Variants in NCK2 observed in about 807,000 individuals in gnomAD.
The protein encoded by NCK2 is NCK adaptor protein 2.
A neutral mutation model predicts 33.9 loss-of-function variants in NCK2; 16 were observed. The ratio of observed to expected loss-of-function variants is 0.47; its 90% CI spans 0.32 to 0.72. The LOEUF (loss-of-function observed/expected upper bound fraction) is 0.72. Among genes scored for constraint, NCK2 ranks in the 30% least tolerant of loss-of-function variants. NCK2 has a pLI of 0.03. For missense variants in NCK2, 418 were observed against 537.3 expected (o/e 0.78, Z 2.19); for synonymous variants, 273 against 239.9 (o/e 1.14, Z -1.27).
At chr2:105,880,702 G>A (rs1179306745) in intron 3 of NCK2, among the ~76,000 whole-genome samples, 2 of 152,168 alleles carry the variant, frequency 1.3e-5, no homozygotes, top group Admixed American at 1.3e-4. Context: ...TCTGAGAGGC[G>A]CAGGGATGCT....
At chr2:105,817,639 A>T (rs1675545132) in intron 2 of NCK2, among the ~76,000 whole-genome samples, 1 of 152,256 alleles carries the variant, frequency 6.6e-6, no homozygotes, top group Non-Finnish European at 1.5e-5. Context: ...GACACTGCTC[A>T]AAAGAAGACA....
intron 2 of NCK2, among the ~76,000 whole-genome samples, chr2:105,848,129 C>T (rs1456136541): frequency 1.3e-5 from 2 of 152,212 alleles, no homozygotes; most frequent in African/African-American, 2.4e-5. Context: ...ATTAGCAGAG[C>T]AATAATGGCT....
At chr2:105,777,396 A>G (rs1690345498) in intron 1 of NCK2, among the ~76,000 whole-genome samples, 1 of 152,168 alleles carries the variant, frequency 6.6e-6, no homozygotes, top group African/African-American at 2.4e-5. Context: ...AGGAGGCCAC[A>G]TCTTGCACAC....
intron 1 of NCK2, among the ~76,000 whole-genome samples, chr2:105,793,066 G>A (rs1309307891): frequency 1.3e-5 from 2 of 152,118 alleles, no homozygotes; most frequent in African/African-American, 4.8e-5. Flanking sequence ...GCATCAAGCA[G>A]TGCAGGCTTT....
chr2:105,834,704 C>T (rs1195815601), intron 2 of NCK2, among the ~76,000 whole-genome samples: 1 of 151,896 alleles, frequency 6.6e-6, no homozygotes, highest in African/African-American at 2.4e-5. Flanking sequence ...GTCTCGTTCT[C>T]TTACTGAAGC....
intron 2 of NCK2, among the ~76,000 whole-genome samples, chr2:105,842,670 C>T (rs1558865403): frequency 6.6e-6 from 1 of 152,076 alleles, no homozygotes. Context: ...TTTGTTGCCC[C>T]TAAGTCAAGG....
chr2:105,846,940 G>A (rs754500477), intron 2 of NCK2, among the ~76,000 whole-genome samples: 51 of 152,174 alleles, frequency 3.4e-4, no homozygotes, highest in African/African-American at 4.6e-4. Context: ...ATGGATGAAC[G>A]GACCAACAAA....
chr2:105,871,649 C>A (rs1043653311), intron 3 of NCK2, among the ~76,000 whole-genome samples: 13 of 152,100 alleles, frequency 8.5e-5, no homozygotes, highest in African/African-American at 2.9e-4. Flanking sequence ...TATGCCACCA[C>A]ACCCAGCTAA....
At chr2:105,830,480 A>C (rs1270820520) in intron 2 of NCK2, among the ~76,000 whole-genome samples, 1 of 152,076 alleles carries the variant, frequency 6.6e-6, no homozygotes, top group East Asian at 1.9e-4. Context: ...TTAATCTGTT[A>C]ATGGACACTT....
chr2:105,843,911 T>C (rs1188638151), intron 2 of NCK2, among the ~76,000 whole-genome samples: 2 of 152,106 alleles, frequency 1.3e-5, no homozygotes, highest in Admixed American at 6.5e-5. Flanking sequence ...AGGGGGCAAG[T>C]GTAACTTCAG....
intron 2 of NCK2, among the ~76,000 whole-genome samples, chr2:105,832,393 T>C (rs951986274): frequency 6.6e-6 from 1 of 152,232 alleles, no homozygotes; most frequent in Non-Finnish European, 1.5e-5. Flanking sequence ...GGCATTCTTA[T>C]ATTTTTCCAG....
chr2:105,744,698 G>C (rs1689198611), upstream of NCK2, among the ~76,000 whole-genome samples: 1 of 151,620 alleles, frequency 6.6e-6, no homozygotes, highest in South Asian at 2.1e-4. Context: ...CGGGACCCGG[G>C]CGCGGAGCCT....
chr2:105,889,585 T>A lies in NCK2; in HGVS notation c.949-3397T>A, dbSNP rs1398366176. Among the ~76,000 whole-genome samples the A allele has an allele frequency of 2.8e-3, 428 of 151,180 alleles. 1 individual carries two copies. Among genetic ancestry groups the A allele is most frequent in the African/African-American group, 9.8e-3 (404 of 41,218 alleles). ...AATTTGCATTTCTTTTTTTTTTTTT[T>A]TTTTTTTAATTATTTTGAGATAGGG... On this transcript the variant is annotated intron_variant, in intron 4 of 4. Transcript: ENST00000233154.
chr2:105,772,533 G>A (rs1259201797), intron 1 of NCK2, among the ~76,000 whole-genome samples: 2 of 151,988 alleles, frequency 1.3e-5, no homozygotes, highest in Non-Finnish European at 2.9e-5. Flanking sequence ...TCCTCCCTCC[G>A]CAGCACTGGG....
At chr2:105,870,209 G>A (rs1237435005) in intron 3 of NCK2, among the ~76,000 whole-genome samples, 1 of 152,224 alleles carries the variant, frequency 6.6e-6, no homozygotes, top group Non-Finnish European at 1.5e-5. Context: ...GCCAAGCAGG[G>A]GCCCTACAGG....
intron 2 of NCK2, among the ~76,000 whole-genome samples, chr2:105,820,471 G>C (rs537701428): frequency 6.6e-6 from 1 of 152,188 alleles, no homozygotes; most frequent in Admixed American, 6.5e-5. Flanking sequence ...CTGAGGGCTT[G>C]AGTAACGTCT....
intron 1 of NCK2, among the ~76,000 whole-genome samples, chr2:105,759,224 TTTTG>T (rs1188132531): frequency 2.0e-5 from 3 of 152,208 alleles, no homozygotes; most frequent in Non-Finnish European, 2.9e-5. Flanking sequence ...GAGCAAGATT[TTTTG>T]TTTGTTTATA....
intron 1 of NCK2, among the ~76,000 whole-genome samples, chr2:105,804,772 T>C (rs901535392): frequency 6.6e-6 from 1 of 152,228 alleles, no homozygotes; most frequent in Non-Finnish European, 1.5e-5. Context: ...ATTGTTTGGT[T>C]TTGGCATAGG....
intron 1 of NCK2, among the ~76,000 whole-genome samples, chr2:105,771,767 G>T (rs891753502): frequency 6.6e-6 from 1 of 152,172 alleles, no homozygotes; most frequent in Non-Finnish European, 1.5e-5. Flanking sequence ...TGGGTTGACC[G>T]CTACTGGCAG....
Sources: gnomAD v4.1 joint callset for allele counts (sites outside exome capture counted in the v4.1 genomes callset) on GRCh38, gnomAD v4.1.1 for gene constraint, MANE v1.5 for transcripts, NCBI Gene and HGNC (gene_info 2026-07-23, HGNC 2026-07-21) for gene names.